TRAF5: variants seen among roughly 807,000 people sequenced by gnomAD.
The protein encoded by TRAF5 is TNF receptor associated factor 5, also known as TNF receptor-associated factor 5.
TRAF5 carries 48 observed loss-of-function variants against 64.5 expected under a neutral mutation model. That is an observed-to-expected ratio of 0.74 (90% CI 0.59 to 0.95). The LOEUF is 0.95. Among genes scored for constraint, TRAF5 ranks in the 40% least tolerant of loss-of-function variants. TRAF5 has a pLI of 0.00. For synonymous variants in TRAF5, 206 were observed against 240.5 expected, an observed-to-expected ratio of 0.86 and a Z score of 1.33; for missense variants, 545 against 662.8, an observed-to-expected ratio of 0.82 and a Z score of 1.95.
At chr1:211,353,157 CAA>C (rs1312726405) in intron 1 of TRAF5, 80 bp from the exon 2 acceptor site, 3 of 1,338,104 alleles carry the variant, frequency 2.2e-6, no homozygotes, top group Non-Finnish European at 3.2e-6. Flanking sequence ...AATTATGAGA[CAA>C]ATAACCAAAG....
chr1:211,360,084 A>C lies in TRAF5; in HGVS notation c.543+8A>C. Reference sequence around the variant, plus strand: ...GTAGTCATCAATCTACAGGTGAAAAACAACACATACAACAGTCATCTTTAT... The same window carrying C: ...GTAGTCATCAATCTACAGGTGAAAACCAACACATACAACAGTCATCTTTAT... On this transcript the variant is annotated splice_region_variant and intron_variant, in intron 5 of 10. Transcript: ENST00000261464. The C allele has an allele frequency of 6.2e-7, 1 of 1,613,196 alleles. No individual in the cohort carries two copies. Among genetic ancestry groups the C allele is most frequent in the Non-Finnish European group, 8.5e-7 (1 of 1,179,404 alleles).
At chr1:211,367,243 G>A (rs575027366) in intron 8 of TRAF5, among the ~76,000 whole-genome samples, 10 of 152,248 alleles carry the variant, frequency 6.6e-5, no homozygotes, top group African/African-American at 2.4e-4. Flanking sequence ...CGCCCAAAGC[G>A]GTTTGTTTGT....
intron 7 of TRAF5, among the ~76,000 whole-genome samples, chr1:211,361,536 T>G (rs1420798024): frequency 6.6e-6 from 1 of 152,122 alleles, no homozygotes; most frequent in Non-Finnish European, 1.5e-5. Context: ...CACCACACTA[T>G]GGAGGGTAAT....
chr1:211,372,492 C>T lies in TRAF5; in HGVS notation c.1464C>T (p.Asp488=), dbSNP rs142045639. ...AGAGGGTGACCCTGATGCTTCTGGA[C>T]CAGAGTGGCAAAAAGAACATTATGG... The part of the protein sequence containing the change: ...FRQRVTLMLL[D]QSGKKNIMET... Residue 488 remains aspartate, a synonymous_variant, in exon 11 of 11, where the codon GAC becomes GAT. Transcript: ENST00000261464. 1.1e-4 allele frequency: 181 copies of T among 1,614,066 alleles called. No individual in the cohort carries two copies. The highest frequency in any genetic ancestry group is 1.4e-4 in the Non-Finnish European group (170 of 1,180,006).
At position 211,373,177 on chromosome 1, in the gene TRAF5, C is replaced by T. The variant is rs1703592910; in HGVS notation, c.*475C>T. On this transcript the variant is annotated 3_prime_UTR_variant, in exon 11 of 11. Transcript: ENST00000261464. ...AGTTAAGTAGTGGGTGATGTAGTTACAAAGATAATATGCTCAGTTTGGACC... is the reference window on the plus strand; with the variant it reads ...AGTTAAGTAGTGGGTGATGTAGTTATAAAGATAATATGCTCAGTTTGGACC... The T allele has an allele frequency of 6.6e-6, 1 of 152,654 alleles. No individual in the cohort carries two copies. Among genetic ancestry groups the T allele is most frequent in the South Asian group, 2.1e-4 (1 of 4,844 alleles). The allele number at this position is 152,654 out of a possible 1,614,324, so 9.5% of individuals were successfully genotyped here.
At chr1:211,345,463 C>T (rs986417909) in intron 1 of TRAF5, among the ~76,000 whole-genome samples, 2 of 151,978 alleles carry the variant, frequency 1.3e-5, no homozygotes, top group Non-Finnish European at 2.9e-5. Context: ...AGAGAACTGC[C>T]GATCCTAGCA....
intron 8 of TRAF5, 103 bp downstream of exon 8, chr1:211,365,571 C>T: frequency 1.1e-6 from 1 of 889,204 alleles, no homozygotes; most frequent in Non-Finnish European, 1.7e-6. Context: ...CAGTATAAGT[C>T]AATTAGAGGT....
At chr1:211,337,696 G>A (rs1702340193) in intron 1 of TRAF5, among the ~76,000 whole-genome samples, 1 of 152,166 alleles carries the variant, frequency 6.6e-6, no homozygotes, top group South Asian at 2.1e-4. Flanking sequence ...AGGAGAGGGG[G>A]GATATGTTGG....
At chr1:211,353,959 C>A (rs1400966846) in intron 2 of TRAF5, among the ~76,000 whole-genome samples, 1 of 152,188 alleles carries the variant, frequency 6.6e-6, no homozygotes, top group Non-Finnish European at 1.5e-5. Flanking sequence ...GCAAGGCAGT[C>A]ATTTTACCCT....
chr1:211,349,034 T>TAAAAAAAAAA (rs373131975), intron 1 of TRAF5, among the ~76,000 whole-genome samples: 1 of 84,676 alleles, frequency 1.2e-5, no homozygotes, highest in African/African-American at 4.9e-5. Context: ...ACTCTGTCTC[T>TAAAAAAAAAA]AAAAAAAAAA....
chr1:211,362,537 G>T (rs906996166), intron 7 of TRAF5, among the ~76,000 whole-genome samples: 1 of 151,998 alleles, frequency 6.6e-6, no homozygotes, highest in Non-Finnish European at 1.5e-5. Context: ...AAAGTTAGCT[G>T]GGTGTGGTGG....
chr1:211,360,374 T>C (rs1326676128), intron 5 of TRAF5: 6 of 488,338 alleles, frequency 1.2e-5, no homozygotes, highest in Non-Finnish European at 2.2e-5. Context: ...AATTCTGCAG[T>C]GTAGCTGGGG....
At position 211,360,757 on chromosome 1, in the gene TRAF5, C is replaced by T. The variant is rs149809182; in HGVS notation, c.599C>T (p.Ala200Val). The change falls in exon 6 of 11, where the codon GCG becomes GTG. Residue 200 changes from alanine (A) to valine (V), a missense_variant. Ala to Val is a moderately conservative substitution (Grantham distance 64). Coordinates refer to ENST00000261464, the MANE Select transcript of TRAF5 (RefSeq NM_001033910.3). ...CCAGTATTTTGTCCCAACAATTGTG[C>T]GAAGATTATTCTAAAAACTGAGGTA... ...EYPVFCPNNC[A>V]KIILKTEVDE... 2,672 of 1,613,616 alleles carry T rather than the reference C, an allele frequency of 1.7e-3. 10 individuals are homozygous for T. Among genetic ancestry groups the T allele is most frequent in the South Asian group, 4.0e-3 (361 of 91,072 alleles).
In TRAF5 at chr1:211,360,009, C is replaced by G. The variant is rs760636610; in HGVS notation, c.476C>G (p.Ala159Gly). 8.1e-6 allele frequency: 13 copies of G among 1,614,000 alleles called. No homozygotes were observed. Among genetic ancestry groups the G allele is most frequent in the Non-Finnish European group, 1.0e-5 (12 of 1,179,984 alleles). Reference sequence around the variant, plus strand: ...AAAGACCTGAAAGAGCATTTGAGTGCATCCTGTCAGTTTCGAAAGGAAAAA... The same window carrying G: ...AAAGACCTGAAAGAGCATTTGAGTGGATCCTGTCAGTTTCGAAAGGAAAAA... The part of the protein sequence containing the change: ...LRKDLKEHLS[A>G]SCQFRKEKCL... Residue 159 changes from alanine (A) to glycine (G), a missense_variant, in exon 5 of 11, where the codon GCA becomes GGA. Physicochemically the swap from Ala to Gly is moderately conservative, Grantham distance 60. Transcript: ENST00000261464.
Position 211,372,423 on chromosome 1 carries a change from C to T in TRAF5, c.1395C>T (p.Val465=), listed in dbSNP as rs1165417300. The change falls in exon 11 of 11, where the codon GTC becomes GTT. Residue 465 remains valine, a synonymous_variant. Transcript: ENST00000261464. ...RGSHLSLYFV[V]MRGEFDSLLQ... ...CACACCTGTCCCTATACTTTGTGGT[C>T]ATGCGAGGAGAGTTTGACTCACTGT... The T allele has an allele frequency of 3.1e-6, 5 of 1,614,012 alleles. No individual in the cohort carries two copies. The African/African-American group carries it at 5.3e-5, about 17-fold the overall frequency.
At chr1:211,329,852 G>C (rs543783633) in intron 1 of TRAF5, among the ~76,000 whole-genome samples, 1 of 152,336 alleles carries the variant, frequency 6.6e-6, no homozygotes, top group South Asian at 2.1e-4. Context: ...AGTCCTCAGA[G>C]CTGGCAGGCC....
At chr1:211,360,211 T>G (rs115280811) in intron 5 of TRAF5, 135 bp downstream of exon 5, 13 of 976,150 alleles carry the variant, frequency 1.3e-5, no homozygotes, top group Non-Finnish European at 1.9e-5. Context: ...AGAATTTGCT[T>G]TTTGGAGAGA....
At chr1:211,354,616 A>C in intron 3 of TRAF5, 149 bp downstream of exon 3, 1 of 756,080 alleles carries the variant, frequency 1.3e-6, no homozygotes, top group Non-Finnish European at 2.1e-6. Flanking sequence ...ATCAGACCCT[A>C]CTCGTAGCCC....
chr1:211,347,402 A>G (rs1702645047), intron 1 of TRAF5, among the ~76,000 whole-genome samples: 1 of 152,202 alleles, frequency 6.6e-6, no homozygotes, highest in Admixed American at 6.5e-5. Context: ...AGCTCTGTTT[A>G]TATACTAGAA....
Sources: gnomAD v4.1 joint callset for allele counts (sites outside exome capture counted in the v4.1 genomes callset) on GRCh38, gnomAD v4.1.1 for gene constraint, MANE v1.5 for transcripts, NCBI Gene and HGNC (gene_info 2026-07-23, HGNC 2026-07-21) for gene names.